CD2AP: variants seen among roughly 807,000 people sequenced by gnomAD.
The protein encoded by CD2AP is CD2 associated protein.
CD2AP carries 46 observed loss-of-function variants against 85.1 expected under a neutral mutation model. The observed-to-expected ratio is 0.54, with a 90% CI of 0.43 to 0.69. CD2AP has a LOEUF of 0.69. Among genes scored for constraint, CD2AP ranks in the 30% least tolerant of loss-of-function variants. The probability of loss-of-function intolerance (pLI) is 0.00; values close to 1 mark genes in which losing one functional copy is unlikely to be tolerated. For missense variants in CD2AP, 769 were observed against 729.5 expected, an observed-to-expected ratio of 1.05 and a Z score of -0.62; for synonymous variants, 255 against 252.9, an observed-to-expected ratio of 1.01 and a Z score of -0.08.
At chr6:47,551,220 A>G (rs1391459080) in intron 4 of CD2AP, among the ~76,000 whole-genome samples, 1 of 151,966 alleles carries the variant, frequency 6.6e-6, no homozygotes, top group Non-Finnish European at 1.5e-5. Context: ...ATAATTTTTT[A>G]CATCTCTGCT....
intron 17 of CD2AP, among the ~76,000 whole-genome samples, chr6:47,616,632 A>G (rs953481234): frequency 6.6e-5 from 10 of 152,230 alleles, no homozygotes; most frequent in Admixed American, 2.6e-4. Context: ...ATTCAGAATC[A>G]AAGAATAGCC....
intron 1 of CD2AP, among the ~76,000 whole-genome samples, chr6:47,502,593 A>G (rs1489694528): frequency 6.7e-6 from 1 of 149,910 alleles, no homozygotes; most frequent in African/African-American, 2.5e-5. Context: ...TCCTGGGTTC[A>G]AGCTATTCTC....
At chr6:47,585,782 C>G (rs543630958) in intron 11 of CD2AP, among the ~76,000 whole-genome samples, 6 of 152,298 alleles carry the variant, frequency 3.9e-5, no homozygotes, top group African/African-American at 1.4e-4. Flanking sequence ...ATAGGTGAAG[C>G]ACTCTTTGTA....
intron 1 of CD2AP, among the ~76,000 whole-genome samples, chr6:47,479,847 G>A (rs1765400707): frequency 6.6e-6 from 1 of 151,058 alleles, no homozygotes; most frequent in African/African-American, 2.4e-5. Context: ...GCTTTTGGAT[G>A]TGCTTGTAAC....
chr6:47,579,834 G>A (rs1768423044), intron 9 of CD2AP: 1 of 221,002 alleles, frequency 4.5e-6, no homozygotes, highest in African/African-American at 2.4e-5. Flanking sequence ...TTATTTTAAG[G>A]TCTTGTGGAT....
At chr6:47,478,660 C>T (rs555807943) in intron 1 of CD2AP, among the ~76,000 whole-genome samples, 52 of 152,292 alleles carry the variant, frequency 3.4e-4, no homozygotes, top group Non-Finnish European at 7.1e-4. Flanking sequence ...GTAGCACTTT[C>T]AACTTCTTTA....
intron 14 of CD2AP, among the ~76,000 whole-genome samples, chr6:47,606,943 T>TC (rs1769292485): frequency 6.6e-6 from 1 of 151,934 alleles, no homozygotes; most frequent in Non-Finnish European, 1.5e-5. Context: ...TCATTAACCA[T>TC]CCCCCCATCC....
intron 3 of CD2AP, among the ~76,000 whole-genome samples, chr6:47,536,544 T>C (rs1767050963): frequency 6.6e-6 from 1 of 152,178 alleles, no homozygotes; most frequent in Admixed American, 6.5e-5. Context: ...TGGATTGGAC[T>C]AGTGAGCTAT....
rs867686203 is a variant in CD2AP, at chr6:47,612,506, A to G, written c.1848A>G (p.Glu616=). ...TGGAAAAACTGCGAAAAGATTTGGA[A>G]GAAGAGAAGACAATGAGAAGTAATC... ...KELEKLRKDL[E]EEKTMRSNLE... is the part of the protein sequence containing the mutation. The change falls in exon 17 of 18, where the codon GAA becomes GAG. Residue 616 remains glutamate, a synonymous_variant. Coordinates refer to ENST00000359314, the MANE Select transcript of CD2AP (RefSeq NM_012120.3). The G allele has an allele frequency of 6.2e-7, 1 of 1,607,934 alleles. No homozygotes were observed. The highest frequency in any genetic ancestry group is 8.5e-7 in the Non-Finnish European group (1 of 1,174,774).
chr6:47,595,727 A>C (rs1035319538), intron 11 of CD2AP, 134 bp from the exon 12 acceptor site: 1 of 665,146 alleles, frequency 1.5e-6, no homozygotes, highest in South Asian at 1.8e-5. Flanking sequence ...AACAGTGCAC[A>C]TGTATACAAA....
chr6:47,489,084 T>G (rs1765652794), intron 1 of CD2AP: 1 of 152,090 alleles, frequency 6.6e-6, no homozygotes, highest in Non-Finnish European at 1.5e-5. Flanking sequence ...CCTCAGGTAG[T>G]GAGTTATCTC....
intron 11 of CD2AP, among the ~76,000 whole-genome samples, chr6:47,592,135 CTG>C: frequency 6.6e-6 from 1 of 152,144 alleles, no homozygotes. Flanking sequence ...TGCACCCAGC[CTG>C]TGTCTTAAAT....
At chr6:47,561,261 C>T (rs1767853935) in intron 5 of CD2AP, among the ~76,000 whole-genome samples, 1 of 152,142 alleles carries the variant, frequency 6.6e-6, no homozygotes, top group South Asian at 2.1e-4. Context: ...AAATATTGCT[C>T]ATGCTTTTTG....
chr6:47,481,791 T>G (rs1765451798), intron 1 of CD2AP, among the ~76,000 whole-genome samples: 1 of 152,246 alleles, frequency 6.6e-6, no homozygotes, highest in Admixed American at 6.5e-5. Context: ...TATTTACTTA[T>G]TTTTAGAGAC....
In CD2AP at chr6:47,493,356, T is replaced by TC. The variant is rs1198429251; in HGVS notation, c.5-9924_5-9923insC. Among the ~76,000 whole-genome samples, 154 of 151,110 alleles carry TC rather than the reference T, an allele frequency of 1.0e-3. 3 individuals carry two copies. The highest frequency in any genetic ancestry group is 5.5e-4 in the Non-Finnish European group (37 of 67,706). Reference sequence around the variant, plus strand: ...TAGATACAGATTTCTAGGTTGGTGTTTTTTTTTTTTCCAATGCTTTAAATA... The same window carrying TC: ...TAGATACAGATTTCTAGGTTGGTGTTCTTTTTTTTTTCCAATGCTTTAAATA... On this transcript the variant is annotated intron_variant, in intron 1 of 17. Coordinates refer to ENST00000359314, the MANE Select transcript of CD2AP (RefSeq NM_012120.3).
intron 11 of CD2AP, 161 bp downstream of exon 11, chr6:47,582,226 TCAAA>T (rs1768499922): frequency 2.0e-5 from 12 of 602,576 alleles, no homozygotes; most frequent in South Asian, 9.6e-5. Flanking sequence ...AGTTCATTTC[TCAAA>T]CAGATAACAA....
chr6:47,570,541 TTTTC>T (rs1768120823), intron 5 of CD2AP, among the ~76,000 whole-genome samples: 1 of 56 alleles, frequency 0.018, no homozygotes, highest in African/African-American at 0.018. Flanking sequence ...CCTTATCCTC[TTTTC>T]TTCTTTCCAG....
chr6:47,588,843 A>G (rs1021751432), intron 11 of CD2AP, among the ~76,000 whole-genome samples: 8 of 152,102 alleles, frequency 5.3e-5, no homozygotes, highest in Non-Finnish European at 7.4e-5. Flanking sequence ...CCTCTCCCCA[A>G]CCATAGAATG....
chr6:47,597,231 G>A (rs373069966), intron 12 of CD2AP, among the ~76,000 whole-genome samples: 41 of 150,942 alleles, frequency 2.7e-4, no homozygotes, highest in African/African-American at 9.9e-4. Context: ...GTGCTGCTAG[G>A]CATCATGGAG....
Sources: gnomAD v4.1 joint callset for allele counts (sites outside exome capture counted in the v4.1 genomes callset) on GRCh38, gnomAD v4.1.1 for gene constraint, MANE v1.5 for transcripts, NCBI Gene and HGNC (gene_info 2026-07-23, HGNC 2026-07-21) for gene names.